Variants in PCDHA3 observed in about 807,000 individuals in gnomAD.
PCDHA3 encodes protocadherin alpha-3.
PCDHA3 carries 41 observed loss-of-function variants against 62.2 expected under a neutral mutation model. That is an observed-to-expected ratio of 0.66 (90% CI 0.51 to 0.86). The LOEUF (loss-of-function observed/expected upper bound fraction) is 0.86. PCDHA3 is among the 40% of genes least tolerant of loss of function. The probability of loss-of-function intolerance (pLI) is 0.00; values close to 1 mark genes in which losing one functional copy is unlikely to be tolerated. For missense variants in PCDHA3, 1,304 were observed against 1,241.2 expected (o/e 1.05, Z -0.76); for synonymous variants, 640 against 555.4 (o/e 1.15, Z -2.14).
intron 1 of PCDHA3, chr5:140,814,378 T>C (rs1765503898): frequency 1.3e-5 from 2 of 152,092 alleles, no homozygotes; most frequent in Admixed American, 1.3e-4. Flanking sequence ...TCATCTCCTA[T>C]GATAACAATA....
At chr5:140,990,670 A>T (rs1172208113) in intron 3 of PCDHA3, among the ~76,000 whole-genome samples, 1 of 152,192 alleles carries the variant, frequency 6.6e-6, no homozygotes, top group Non-Finnish European at 1.5e-5. Flanking sequence ...CATTAGATGC[A>T]CACCAAGCTG....
intron 1 of PCDHA3, chr5:140,843,575 C>T (rs1778980486): frequency 6.3e-7 from 1 of 1,595,908 alleles, no homozygotes; most frequent in Non-Finnish European, 8.6e-7. Flanking sequence ...GTCATACTCG[C>T]AACAACAGCC....
At chr5:140,956,314 G>C (rs1262942129) in intron 1 of PCDHA3, among the ~76,000 whole-genome samples, 2 of 152,036 alleles carry the variant, frequency 1.3e-5, no homozygotes, top group Admixed American at 6.6e-5. Context: ...ATTATTTTGA[G>C]ATATGTTCCT....
chr5:140,855,864 G>A, intron 1 of PCDHA3: 6 of 775,890 alleles, frequency 7.7e-6, no homozygotes, highest in African/African-American at 1.7e-5. Context: ...TGTCGCTGTC[G>A]TCCACAAAAT....
At chr5:140,874,890 C>A (rs150583747) in intron 1 of PCDHA3, among the ~76,000 whole-genome samples, 2 of 152,276 alleles carry the variant, frequency 1.3e-5, no homozygotes, top group Admixed American at 1.3e-4. Context: ...TCCTAACTTT[C>A]TCTAAAATCT....
At chr5:140,823,872 G>C in intron 1 of PCDHA3, 1 of 1,613,916 alleles carries the variant, frequency 6.2e-7, no homozygotes, top group Non-Finnish European at 8.5e-7. Flanking sequence ...ACGTGTACCT[G>C]ATCATCGCCA....
chr5:140,801,477 G>A lies in PCDHA3; in HGVS notation c.280G>A (p.Glu94Lys). 1 of 1,614,110 alleles carries A rather than the reference G, an allele frequency of 6.2e-7. No homozygotes were observed. The highest frequency in any genetic ancestry group is 8.5e-7 in the Non-Finnish European group (1 of 1,180,040). ...LFVNSRIDRE[E>K]LCGRSAECSI... is the part of the protein sequence containing the mutation. The stretch of plus-strand genomic sequence containing the variant: ...TGTGAATTCTCGGATAGACCGCGAG[G>A]AACTGTGCGGGCGGAGCGCGGAGTG... The change falls in exon 1 of 4, where the codon GAA becomes AAA. Residue 94 changes from glutamate (E) to lysine (K), a missense_variant. Coordinates refer to ENST00000522353, the MANE Select transcript of PCDHA3 (RefSeq NM_018906.3).
intron 1 of PCDHA3, chr5:140,827,965 TGC>T: frequency 7.5e-7 from 1 of 1,335,940 alleles, no homozygotes; most frequent in South Asian, 1.4e-5. Context: ...CTTCTATTAC[TGC>T]ATCATTCCCT....
chr5:140,935,563 C>T (rs1554210554), intron 1 of PCDHA3, among the ~76,000 whole-genome samples: 1 of 152,176 alleles, frequency 6.6e-6, no homozygotes. Context: ...GGAAAAGTTC[C>T]TCTCTGTGTA....
chr5:140,829,648 G>C (rs2150172028), intron 1 of PCDHA3: 2 of 1,612,244 alleles, frequency 1.2e-6, no homozygotes, highest in South Asian at 2.2e-5. Flanking sequence ...AGGTGTACGC[G>C]CTGCAGCCGC....
rs140322145 is a variant in PCDHA3, at chr5:140,968,725, T to C, written c.2395-10224T>C. ...CCAGGAAGATGGGAGATGAGAGTGG[T>C]AGCACTTTCAACCTGACCGTGGTGG... On this transcript the variant is annotated intron_variant, in intron 1 of 3. Coordinates refer to ENST00000522353, the MANE Select transcript of PCDHA3 (RefSeq NM_018906.3). 3.1e-6 allele frequency: 5 copies of C among 1,613,932 alleles called. No individual in the cohort carries two copies. In the African/African-American group the frequency reaches 6.7e-5, roughly 22 times the overall value.
Position 140,850,482 on chromosome 5 carries a change from G to T in PCDHA3, c.2394+46891G>T, listed in dbSNP as rs2150486061. On this transcript the variant is annotated intron_variant, in intron 1 of 3. Coordinates refer to ENST00000522353, the MANE Select transcript of PCDHA3 (RefSeq NM_018906.3). ...CGGGGAGCCAGCGCTGACGGCCACG[G>T]CCACTGTGCTGGTGTCGCTGGTGGA... 5 of 1,598,110 alleles carry T rather than the reference G, an allele frequency of 3.1e-6. No homozygotes were observed. The South Asian group carries it at 5.5e-5, about 18-fold the overall frequency.
At chr5:140,981,666 C>CT (rs1430989347) in intron 2 of PCDHA3, among the ~76,000 whole-genome samples, 8 of 152,058 alleles carry the variant, frequency 5.3e-5, no homozygotes, top group Non-Finnish European at 1.0e-4. Flanking sequence ...TTCTTCCTTC[C>CT]TTTCTTCCTT....
chr5:140,877,457 C>T lies in PCDHA3; in HGVS notation c.2394+73866C>T, dbSNP rs73263833. On this transcript the variant is annotated intron_variant, in intron 1 of 3. Coordinates refer to ENST00000522353, the MANE Select transcript of PCDHA3 (RefSeq NM_018906.3). ...CACGGTGAGCCCGCGCTGACGTCCACGGCCACGGTGCTGGTGTCGCTGGTG... is the reference window on the plus strand; with the variant it reads ...CACGGTGAGCCCGCGCTGACGTCCATGGCCACGGTGCTGGTGTCGCTGGTG... 1.0e-3 allele frequency: 1,615 copies of T among 1,613,806 alleles called. 8 individuals carry two copies. The African/African-American group carries it at 0.018, about 18-fold the overall frequency.
chr5:140,842,399 C>G, intron 1 of PCDHA3: 1 of 1,611,446 alleles, frequency 6.2e-7, no homozygotes, highest in Non-Finnish European at 8.5e-7. Flanking sequence ...CTTGCCTGTA[C>G]GTGAAGACGC....
intron 1 of PCDHA3, chr5:140,823,187 G>A: frequency 6.2e-7 from 1 of 1,613,888 alleles, no homozygotes; most frequent in Non-Finnish European, 8.5e-7. Flanking sequence ...CCGCCAGGCT[G>A]CCACATCTTC....
chr5:140,961,704 C>T (rs1381981839), intron 1 of PCDHA3, among the ~76,000 whole-genome samples: 1 of 152,086 alleles, frequency 6.6e-6, no homozygotes, highest in African/African-American at 2.4e-5. Flanking sequence ...GTATGAATGC[C>T]TTCATTTCTA....
chr5:140,843,374 G>A (rs1778834369), intron 1 of PCDHA3: 1 of 1,596,014 alleles, frequency 6.3e-7, no homozygotes, highest in Non-Finnish European at 8.6e-7. Context: ...GCAGTCGGCT[G>A]GCGTTTTGGG....
intron 1 of PCDHA3, among the ~76,000 whole-genome samples, chr5:140,924,441 G>A (rs144532137): frequency 1.3e-5 from 2 of 152,274 alleles, no homozygotes; most frequent in African/African-American, 4.8e-5. Context: ...AAGAGATAAC[G>A]AATGGGTTTG....
Sources: allele counts gnomAD v4.1 joint callset (sites outside exome capture counted in the v4.1 genomes callset), GRCh38; gene constraint gnomAD v4.1.1; transcripts MANE v1.5; gene names NCBI Gene and HGNC (gene_info 2026-07-23, HGNC 2026-07-21).